The following CDH3 variants were observed in gnomAD, a reference collection of about 807,000 sequenced individuals.
CDH3 encodes the protein cadherin 3.
CDH3 carries 54 observed loss-of-function variants against 82.0 expected under a neutral mutation model. The ratio of observed to expected loss-of-function variants is 0.66; its 90% confidence interval spans 0.53 to 0.83. The LOEUF is 0.83. Ranked by LOEUF, CDH3 falls within the 40% of genes least tolerant of loss-of-function variation. CDH3 has a pLI of 0.00. For missense variants in CDH3, 1,054 were observed against 1,084.6 expected (o/e 0.97, Z 0.40); for synonymous variants, 446 against 437.9 (o/e 1.02, Z -0.23).
intron 1 of CDH3, among the ~76,000 whole-genome samples, chr16:68,719,800 T>C (rs570781599): frequency 7.0e-4 from 107 of 152,122 alleles, no homozygotes; most frequent in Middle Eastern, 6.8e-3. Context: ...CACCCAGAGA[T>C]GGAACTGTAC....
chr16:68,675,809 A>G (rs1472715884), intron 2 of CDH3, among the ~76,000 whole-genome samples: 1 of 151,554 alleles, frequency 6.6e-6, no homozygotes, highest in Non-Finnish European at 1.5e-5. Context: ...AAAAAAAAAG[A>G]AAAGAAAAAA....
At chr16:68,702,185 C>A (rs1158292873), downstream of CDH3, among the ~76,000 whole-genome samples, 1 of 152,132 alleles carries the variant, frequency 6.6e-6, no homozygotes, top group African/African-American at 2.4e-5. Context: ...AGCCACTGTG[C>A]CCAGCCTACA....
At chr16:68,723,797 C>A (rs983375339) in intron 2 of CDH3, among the ~76,000 whole-genome samples, 6 of 152,134 alleles carry the variant, frequency 3.9e-5, no homozygotes, top group African/African-American at 1.4e-4. Context: ...AGGCCGGGCG[C>A]GGTGGCTCAC....
intron 2 of CDH3, chr16:68,651,423 T>C (rs911144491): frequency 1.8e-6 from 1 of 547,436 alleles, no homozygotes; most frequent in Non-Finnish European, 3.7e-6. Flanking sequence ...CATACCCGAC[T>C]GGCTTGCACA....
At chr16:68,709,763 C>T (rs908072181) in intron 1 of CDH3, among the ~76,000 whole-genome samples, 2 of 152,150 alleles carry the variant, frequency 1.3e-5, no homozygotes, top group South Asian at 2.1e-4. Flanking sequence ...CTGTCTCCTT[C>T]ATTTCTAAAG....
downstream of CDH3, among the ~76,000 whole-genome samples, chr16:68,701,548 T>G (rs1961894100): frequency 6.8e-6 from 1 of 147,650 alleles, no homozygotes; most frequent in Non-Finnish European, 1.5e-5. Flanking sequence ...CACACAATTT[T>G]TTTTTTTTTT....
intron 2 of CDH3, among the ~76,000 whole-genome samples, chr16:68,669,510 A>G (rs1960828680): frequency 1.3e-5 from 2 of 151,728 alleles, no homozygotes; most frequent in Admixed American, 6.6e-5. Context: ...ACCATGTAAC[A>G]GTGGAAATAT....
intron 1 of CDH3, among the ~76,000 whole-genome samples, chr16:68,711,335 A>G (rs1962028407): frequency 6.6e-6 from 1 of 150,698 alleles, no homozygotes; most frequent in East Asian, 2.0e-4. Flanking sequence ...GAAAGAGAAA[A>G]AAAGAAAGAA....
intron 1 of CDH3, among the ~76,000 whole-genome samples, chr16:68,712,878 C>G (rs1302641892): frequency 1.3e-5 from 2 of 152,132 alleles, no homozygotes; most frequent in African/African-American, 4.8e-5. Context: ...GTTGGGGTTT[C>G]ACCATGTTGG....
intron 3 of CDH3, 68 bp from the exon 4 acceptor site, chr16:68,678,066 A>T: frequency 7.0e-7 from 1 of 1,422,050 alleles, no homozygotes; most frequent in South Asian, 1.2e-5. Context: ...TAACTCTTAT[A>T]GGTGAGAGGA....
chr16:68,709,077 C>A (rs1961997429), intron 1 of CDH3, among the ~76,000 whole-genome samples: 2 of 152,112 alleles, frequency 1.3e-5, no homozygotes, highest in African/African-American at 4.8e-5. Flanking sequence ...CTGCACCCAG[C>A]CTATTTGTTG....
downstream of CDH3, among the ~76,000 whole-genome samples, chr16:68,704,673 A>C (rs1311209624): frequency 6.6e-6 from 1 of 152,268 alleles, no homozygotes; most frequent in Non-Finnish European, 1.5e-5. Context: ...ACGGCCTTGG[A>C]CACTGATGAA....
chr16:68,697,691 C>T (rs566338323), intron 15 of CDH3, among the ~76,000 whole-genome samples: 16 of 152,272 alleles, frequency 1.1e-4, no homozygotes, highest in South Asian at 6.2e-4. Context: ...TAGCATGTAG[C>T]GCTTATTAGA....
chr16:68,703,056 C>T (rs141809959), downstream of CDH3, among the ~76,000 whole-genome samples: 366 of 152,362 alleles, frequency 2.4e-3, no homozygotes, highest in Middle Eastern at 6.8e-3. Context: ...CCTATGGCCC[C>T]TCCAGTGGGG....
intron 1 of CDH3, among the ~76,000 whole-genome samples, chr16:68,718,293 C>T (rs1025082578): frequency 3.3e-5 from 5 of 152,104 alleles, no homozygotes; most frequent in Admixed American, 1.3e-4. Context: ...TGTGAGCCAC[C>T]GAACTGGCTA....
chr16:68,713,295 G>A (rs1417108072), intron 1 of CDH3, among the ~76,000 whole-genome samples: 1 of 152,004 alleles, frequency 6.6e-6, no homozygotes, highest in Non-Finnish European at 1.5e-5. Flanking sequence ...CAATAAAGGG[G>A]GAAAAAGTTC....
chr16:68,652,810 A>T (rs1248371581), intron 2 of CDH3, among the ~76,000 whole-genome samples: 1 of 152,200 alleles, frequency 6.6e-6, no homozygotes, highest in Non-Finnish European at 1.5e-5. Flanking sequence ...AGAGGATCAT[A>T]CAATTATCTT....
chr16:68,722,053 C>T (rs969345146), intron 1 of CDH3, among the ~76,000 whole-genome samples: 3 of 152,166 alleles, frequency 2.0e-5, no homozygotes, highest in Admixed American at 6.6e-5. Context: ...GGCACTACTG[C>T]ACTCCAACCT....
At chr16:68,681,134 T>A in intron 8 of CDH3, 38 bp downstream of exon 8, 1 of 1,612,694 alleles carries the variant, frequency 6.2e-7, no homozygotes, top group Non-Finnish European at 8.5e-7. Flanking sequence ...CATCAGATAA[T>A]GAAGGACCAA....
Sources: allele counts gnomAD v4.1 joint callset (sites outside exome capture counted in the v4.1 genomes callset), GRCh38; gene constraint gnomAD v4.1.1; transcripts MANE v1.5; gene names NCBI Gene and HGNC (gene_info 2026-07-23, HGNC 2026-07-21).